The following ADGRG1 variants were observed in gnomAD, a reference collection of about 807,000 sequenced individuals.
ADGRG1 encodes adhesion G protein-coupled receptor G1.
In ADGRG1, 53 loss-of-function variants were observed where a neutral mutation model predicts 73.5. The ratio of observed to expected loss-of-function variants is 0.72; its 90% confidence interval spans 0.58 to 0.91. The LOEUF (loss-of-function observed/expected upper bound fraction) is 0.91, where lower values mean the gene tolerates loss of function less well. Ranked by LOEUF, ADGRG1 falls within the 40% of genes least tolerant of loss-of-function variation. ADGRG1 has a pLI of 0.00. For missense variants in ADGRG1, 795 were observed against 871.8 expected, an observed-to-expected ratio of 0.91 and a Z score of 1.11; for synonymous variants, 394 against 374.4, an observed-to-expected ratio of 1.05 and a Z score of -0.60.
chr16:57,628,773 C>T lies in ADGRG1; in HGVS notation c.-65C>T. 1.0e-6 allele frequency: 1 copy of T among 985,596 alleles called. No homozygotes were observed. The highest frequency in any genetic ancestry group is 1.2e-6 in the Non-Finnish European group (1 of 830,056). 61.1% of individuals were successfully genotyped at this position (985,596 alleles called of 1,614,324 possible). Reference sequence around the variant, plus strand: ...CCTGAAAGGTGGTCCAGCCGCCTGGCCCTGCGTGGGACCCTCCACCTGGCA... The same window carrying T: ...CCTGAAAGGTGGTCCAGCCGCCTGGTCCTGCGTGGGACCCTCCACCTGGCA... On this transcript the variant is annotated 5_prime_UTR_variant, in exon 1 of 14. Transcript: ENST00000562631.
At chr16:57,654,419 C>CG (rs1300316932) in intron 5 of ADGRG1, among the ~76,000 whole-genome samples, 1 of 134,514 alleles carries the variant, frequency 7.4e-6, no homozygotes, top group Non-Finnish European at 1.6e-5. Context: ...ACCCCCCCCC[C>CG]CCGTTTTTTT....
chr16:57,651,117 G>A, intron 2 of ADGRG1, 83 bp from the exon 3 acceptor site: 2 of 1,605,732 alleles, frequency 1.2e-6, no homozygotes, highest in Non-Finnish European at 1.7e-6. Flanking sequence ...AGGTTCACAT[G>A]TACTCAGCCT....
At chr16:57,624,566 G>A (rs1221452223), upstream of ADGRG1, among the ~76,000 whole-genome samples, 3 of 152,170 alleles carry the variant, frequency 2.0e-5, no homozygotes, top group African/African-American at 7.2e-5. Context: ...CACAGGTGGG[G>A]ACAGCTCTTC....
chr16:57,663,511 C>T lies in ADGRG1; in HGVS notation c.1993C>T (p.Pro665Ser), dbSNP rs778674217. 1 of 1,613,958 alleles carries T rather than the reference C, an allele frequency of 6.2e-7. No homozygotes were observed. The highest frequency in any genetic ancestry group is 8.5e-7 in the Non-Finnish European group (1 of 1,179,940). ...GCTGCAGGCCCGGGGTGGCCCCTCCCCTCTGAAGAGCAACTCAGACAGCGC... is the reference window on the plus strand; with the variant it reads ...GCTGCAGGCCCGGGGTGGCCCCTCCTCTCTGAAGAGCAACTCAGACAGCGC... ...MRLQARGGPSPLKSNSDSARL... is the reference protein window; with the variant it reads ...MRLQARGGPSSLKSNSDSARL... The change falls in exon 14 of 14, where the codon CCT becomes TCT. Residue 665 changes from proline to serine, a missense_variant. By Grantham distance (74) the Pro-to-Ser change is moderately conservative. Coordinates refer to ENST00000562631, the MANE Select transcript of ADGRG1 (RefSeq NM_201525.4).
chr16:57,645,238 G>C (rs1296009715), intron 1 of ADGRG1: 8 of 985,326 alleles, frequency 8.1e-6, no homozygotes, highest in Non-Finnish European at 8.4e-6. Context: ...GTTGAGCTGG[G>C]GGGGTCTTCC....
intron 11 of ADGRG1, chr16:57,660,464 C>T (rs1440985218): frequency 1.2e-6 from 1 of 850,888 alleles, no homozygotes; most frequent in Non-Finnish European, 1.4e-6. Context: ...GTCTGCCCCT[C>T]CCATCTCCCC....
chr16:57,644,665 A>G (rs1447359896), intron 1 of ADGRG1, among the ~76,000 whole-genome samples: 2 of 122,080 alleles, frequency 1.6e-5, no homozygotes, highest in South Asian at 2.7e-4. Flanking sequence ...CTCATCACAC[A>G]CTCCTCACAC....
chr16:57,636,565 C>G, intron 1 of ADGRG1: 1 of 985,220 alleles, frequency 1.0e-6, no homozygotes, highest in Non-Finnish European at 1.2e-6. Context: ...TCCCCTATCC[C>G]CTACCCCTCA....
Position 57,661,955 on chromosome 16 carries a change from C to T in ADGRG1, c.1923C>T (p.Thr641=), listed in dbSNP as rs769463599. ...LVVLYLFSII[T]SFQGFLIFIW... is the part of the protein sequence containing the mutation. Reference sequence around the variant, plus strand: ...TCCTCTACCTTTTCAGCATCATCACCTCCTTCCAAGGTAAGGAGAAGACCC... The same window carrying T: ...TCCTCTACCTTTTCAGCATCATCACTTCCTTCCAAGGTAAGGAGAAGACCC... The change falls in exon 13 of 14, where the codon ACC becomes ACT. Residue 641 remains threonine, a synonymous_variant. Transcript: ENST00000562631. 1 of 1,613,570 alleles carries T rather than the reference C, an allele frequency of 6.2e-7. No individual in the cohort carries two copies. Among genetic ancestry groups the T allele is most frequent in the Non-Finnish European group, 8.5e-7 (1 of 1,179,522 alleles).
At chr16:57,641,640 A>C in intron 1 of ADGRG1, 1 of 769,366 alleles carries the variant, frequency 1.3e-6, no homozygotes, top group Non-Finnish European at 1.6e-6. Flanking sequence ...ATCTTGGCTC[A>C]TCGTAACCTC....
rs562817761 is a variant in ADGRG1 at position 57,641,255 on chromosome 16, C to T, written c.-35-8998C>T. The T allele has an allele frequency of 9.2e-6, 9 of 978,604 alleles. No homozygotes were observed. The South Asian group carries it at 4.3e-4, about 46-fold the overall frequency. The allele number at this position is 978,604 out of a possible 1,614,324, so 60.6% of individuals were successfully genotyped here. On this transcript the variant is annotated intron_variant, in intron 1 of 13. Coordinates refer to ENST00000562631, the MANE Select transcript of ADGRG1 (RefSeq NM_201525.4). ...CAGAGCTTGTCTGAACCTTATGCCC[C>T]TAACTCCTGCCACCCCTGCTCTAGG... is the stretch of plus-strand genomic sequence containing the variant.
At chr16:57,648,514 C>G (rs1273292165) in intron 1 of ADGRG1, 26 of 970,896 alleles carry the variant, frequency 2.7e-5, no homozygotes, top group Non-Finnish European at 3.1e-5. Flanking sequence ...GGAACTGGCT[C>G]TCAGTCGAAG....
chr16:57,630,846 T>C lies in ADGRG1; in HGVS notation c.-36+2044T>C, dbSNP rs577835144. On this transcript the variant is annotated intron_variant, in intron 1 of 13. Transcript: ENST00000562631. ...TAGGGGGAGTCCTAGTGGAGGAAAC[T>C]ACTTAGGAAAACATTTGGGGAACGA... is the stretch of plus-strand genomic sequence containing the variant. The C allele has an allele frequency of 8.7e-5, 52 of 599,894 alleles. 1 individual carries two copies. The Middle Eastern group carries it at 3.4e-3, about 39-fold the overall frequency. The allele number at this position is 599,894 out of a possible 1,614,324, so 37.2% of individuals were successfully genotyped here. A position where few individuals can be genotyped will look rare whatever the true frequency, so the allele number is the denominator to read the frequency against.
chr16:57,661,918 T>G lies in ADGRG1; in HGVS notation c.1886T>G (p.Phe629Cys), dbSNP rs1252054463. ...TTCTTCTCCTTTGCTTCTGGCACCT[T>G]CCAGCTTGTCGTCCTCTACCTTTTC... is the stretch of plus-strand genomic sequence containing the variant. ...LIFFSFASGT[F>C]QLVVLYLFSI... The change falls in exon 13 of 14, where the codon TTC becomes TGC. Residue 629 changes from phenylalanine to cysteine, a missense_variant. Coordinates refer to ENST00000562631, the MANE Select transcript of ADGRG1 (RefSeq NM_201525.4). 6.2e-7 allele frequency: 1 copy of G among 1,614,126 alleles called. No individual in the cohort carries two copies. Among genetic ancestry groups the G allele is most frequent in the African/African-American group, 1.3e-5 (1 of 74,952 alleles).
intron 10 of ADGRG1, among the ~76,000 whole-genome samples, chr16:57,658,007 G>A (rs1472318538): frequency 6.6e-6 from 1 of 152,158 alleles, no homozygotes; most frequent in Non-Finnish European, 1.5e-5. Context: ...CCCCCGAAGC[G>A]CTGGGATTAC....
rs755341192 is a variant in ADGRG1, at chr16:57,628,941, C to G, written c.-36+139C>G. 3.8e-5 allele frequency: 22 copies of G among 576,630 alleles called. 1 individual carries two copies. In the East Asian group the frequency reaches 3.8e-3, roughly 100 times the overall value. The allele number at this position is 576,630 out of a possible 1,614,324, so 35.7% of individuals were successfully genotyped here. On this transcript the variant is annotated intron_variant, in intron 1 of 13. Transcript: ENST00000562631. ...GAGTGAGTGTGAGTGTGAGTGTGAGCGTGAGAGTGTGAGAGTGTGTGAGTG... is the reference window on the plus strand; with the variant it reads ...GAGTGAGTGTGAGTGTGAGTGTGAGGGTGAGAGTGTGAGAGTGTGTGAGTG...
intron 1 of ADGRG1, chr16:57,647,329 T>G: frequency 1.0e-6 from 1 of 983,558 alleles, no homozygotes; most frequent in South Asian, 4.7e-5. Context: ...CTCAAGGTGC[T>G]CTGGTGGGTG....
chr16:57,661,342 C>T, intron 12 of ADGRG1: 1 of 985,244 alleles, frequency 1.0e-6, no homozygotes, highest in Non-Finnish European at 1.2e-6. Context: ...TGGCAGCGGC[C>T]CTGCCTGTGG....
At chr16:57,628,599 C>A, upstream of ADGRG1, 1 of 985,558 alleles carries the variant, frequency 1.0e-6, no homozygotes, top group South Asian at 4.7e-5. Flanking sequence ...GGGGTGTCTC[C>A]CCACCAAACA....
Sources: gnomAD v4.1 joint callset for allele counts (sites outside exome capture counted in the v4.1 genomes callset) on GRCh38, gnomAD v4.1.1 for gene constraint, MANE v1.5 for transcripts, NCBI Gene and HGNC (gene_info 2026-07-23, HGNC 2026-07-21) for gene names.